Variants in RAD54L2 observed in about 807,000 individuals in gnomAD.
The protein encoded by RAD54L2 is RAD54 like 2.
In RAD54L2, 27 loss-of-function variants were observed where a neutral mutation model predicts 138.4. The observed-to-expected ratio is 0.20, with a 90% CI of 0.14 to 0.27. The LOEUF (loss-of-function observed/expected upper bound fraction) is 0.27. Among genes scored for constraint, RAD54L2 ranks in the 10% least tolerant of loss-of-function variants. The pLI is 1.00. For missense variants in RAD54L2, 1,396 were observed against 1,890.2 expected, an observed-to-expected ratio of 0.74 and a Z score of 4.85; for synonymous variants, 644 against 723.2, an observed-to-expected ratio of 0.89 and a Z score of 1.76.
In RAD54L2 at chr3:51,638,199, C is replaced by T; in HGVS notation, c.1738C>T (p.Leu580Phe). ...HLPAKEENVI[L>F]VRLSKIQRDL... The stretch of plus-strand genomic sequence containing the variant: ...CCCTGCCAAGGAAGAAAATGTGATC[C>T]TTGTGCGGCTCTCCAAGATCCAGCG... The change falls in exon 12 of 23, where the codon CTT becomes TTT. Residue 580 changes from leucine to phenylalanine, a missense_variant. Leu to Phe is a conservative substitution (Grantham distance 22, BLOSUM62 0). Transcript: ENST00000684192. The surrounding 1 kb of genome is among the most constrained non-coding windows in gnomAD (Gnocchi z 4.3). 6.2e-7 allele frequency: 1 copy of T among 1,613,984 alleles called. No individual in the cohort carries two copies. The highest frequency in any genetic ancestry group is 8.5e-7 in the Non-Finnish European group (1 of 1,179,880).
chr3:51,539,826 A>G (rs1446566335), intron 1 of RAD54L2, among the ~76,000 whole-genome samples: 11 of 152,074 alleles, frequency 7.2e-5, no homozygotes, highest in African/African-American at 2.7e-4. Flanking sequence ...GTGGCTGACT[A>G]TATTGGTGGC....
chr3:51,580,183 C>T (rs62259674), intron 2 of RAD54L2, among the ~76,000 whole-genome samples: 7,134 of 152,222 alleles, frequency 0.047, 227 homozygotes, highest in Non-Finnish European at 0.073. Flanking sequence ...CAAGACCCCT[C>T]CTCAGGTTTA....
Position 51,666,174 on chromosome 3 carries a change from CTTTTTTTTTTTTTTTTTTTTTTTTTTT to C in RAD54L2, c.*2763_*2789del. 1 of 58,710 alleles carries C rather than the reference CTTTTTTTTTTTTTTTTTTTTTTTTTTT, an allele frequency of 1.7e-5. No individual in the cohort carries two copies. Among genetic ancestry groups the C allele is most frequent in the Non-Finnish European group, 2.8e-5 (1 of 36,318 alleles). The allele number at this position is 58,710 out of a possible 1,614,324, so 3.6% of individuals were successfully genotyped here. A position where few individuals can be genotyped will look rare whatever the true frequency, so the allele number is the denominator to read the frequency against. On this transcript the variant is annotated 3_prime_UTR_variant, in exon 23 of 23. Transcript: ENST00000684192. ...AGTGCTACCAGGTCCATGGTTTTTG[CTTTTTTTTTTTTTTTTTTTTTTTTTTT>C]TTTTTTTTAAAGAAAATAACCTGAA...
chr3:51,641,193 A>T (rs1701125183), intron 14 of RAD54L2, among the ~76,000 whole-genome samples: 1 of 152,036 alleles, frequency 6.6e-6, no homozygotes, highest in African/African-American at 2.4e-5. Flanking sequence ...TTTAGTAGAG[A>T]TGGGGTTTCA....
intron 2 of RAD54L2, among the ~76,000 whole-genome samples, chr3:51,560,821 A>G (rs1699080814): frequency 6.6e-6 from 1 of 152,132 alleles, no homozygotes; most frequent in Non-Finnish European, 1.5e-5. Context: ...TTTATTGTAG[A>G]ATTTATATTC....
chr3:51,587,822 T>TAG (rs1166221687), intron 2 of RAD54L2, among the ~76,000 whole-genome samples: 3 of 152,190 alleles, frequency 2.0e-5, no homozygotes, highest in Non-Finnish European at 4.4e-5. Flanking sequence ...GTTAAATGAC[T>TAG]AGAGACTTGT....
In RAD54L2 at chr3:51,629,820, G is replaced by A. The variant is rs1017472679; in HGVS notation, c.481+347G>A. On this transcript the variant is annotated intron_variant, in intron 5 of 22. Coordinates refer to ENST00000684192, the MANE Select transcript of RAD54L2 (RefSeq NM_015106.4). ...GGAGGTTGCAGGGAGCTGAGACTGC[G>A]CCACTGTACTCCAGCCTAGGTGACA... Among the ~76,000 whole-genome samples, 15 of 151,970 alleles carry A rather than the reference G, an allele frequency of 9.9e-5. No homozygotes were observed. The East Asian group carries it at 1.2e-3, about 12-fold the overall frequency.
intron 3 of RAD54L2, among the ~76,000 whole-genome samples, chr3:51,607,110 TA>T (rs1203317792): frequency 1.3e-4 from 19 of 151,074 alleles, no homozygotes; most frequent in East Asian, 3.9e-4. Context: ...TATTTTATTT[TA>T]TTTTTTTTAG....
intron 3 of RAD54L2, among the ~76,000 whole-genome samples, chr3:51,606,363 G>A (rs1356485258): frequency 2.6e-5 from 4 of 152,130 alleles, no homozygotes; most frequent in Non-Finnish European, 5.9e-5. Flanking sequence ...TAGTGGCAAT[G>A]GTATGGAGAG....
intron 2 of RAD54L2, among the ~76,000 whole-genome samples, chr3:51,589,662 A>G (rs544870536): frequency 1.4e-3 from 165 of 116,362 alleles, no homozygotes; most frequent in African/African-American, 5.3e-3. Flanking sequence ...TGGGGACTCT[A>G]TACATATATA....
chr3:51,656,589 G>C (rs1261930440), intron 20 of RAD54L2, among the ~76,000 whole-genome samples: 1 of 152,180 alleles, frequency 6.6e-6, no homozygotes, highest in African/African-American at 2.4e-5. Context: ...TTGCGAGTTT[G>C]ATATAAATTG....
intron 21 of RAD54L2, among the ~76,000 whole-genome samples, chr3:51,659,755 G>A (rs1233699307): frequency 1.3e-5 from 2 of 152,184 alleles, no homozygotes; most frequent in Non-Finnish European, 2.9e-5. Flanking sequence ...TAGAGACTAA[G>A]CTCCATGAGA....
rs556790065 is a variant in RAD54L2 at position 51,627,620 on chromosome 3, G to A, written c.207G>A (p.Pro69=). Residue 69 remains proline, a synonymous_variant, in exon 4 of 23, where the codon CCG becomes CCA. Transcript: ENST00000684192. The stretch of plus-strand genomic sequence containing the variant: ...TGGGAGAAGATGGGCAGCAGCCGCC[G>A]CGGTGCACTTCAACTACCTCATCTC... ...AQLGEDGQQP[P]RCTSTTSSQS... is the part of the protein sequence containing the mutation. 25 of 1,574,294 alleles carry A rather than the reference G, an allele frequency of 1.6e-5. No homozygotes were observed. The East Asian group carries it at 1.9e-4, about 12-fold the overall frequency.
At position 51,666,452 on chromosome 3, in the gene RAD54L2, C is replaced by T. The variant is rs1701914350; in HGVS notation, c.*3032C>T. ...TAAGAGGGAGGGCAGAAAATCAGGC[C>T]TAGGCGTTTTCCCTTACCATTGTCT... On this transcript the variant is annotated 3_prime_UTR_variant, in exon 23 of 23. Coordinates refer to ENST00000684192, the MANE Select transcript of RAD54L2 (RefSeq NM_015106.4). 6.6e-6 allele frequency: 1 copy of T among 151,998 alleles called. No individual in the cohort carries two copies. The highest frequency in any genetic ancestry group is 1.5e-5 in the Non-Finnish European group (1 of 68,010). 9.4% of individuals were successfully genotyped at this position (151,998 alleles called of 1,614,324 possible).
chr3:51,604,199 G>C (rs1009508532), intron 3 of RAD54L2, among the ~76,000 whole-genome samples: 2 of 152,150 alleles, frequency 1.3e-5, no homozygotes, highest in Admixed American at 1.3e-4. Flanking sequence ...GCCATTTTCT[G>C]AGCTTGGGAA....
chr3:51,650,594 C>A (rs1701405043), intron 19 of RAD54L2, among the ~76,000 whole-genome samples: 1 of 152,210 alleles, frequency 6.6e-6, no homozygotes, highest in Non-Finnish European at 1.5e-5. Context: ...GTCTCTCAGA[C>A]CACAGTGCAA....
chr3:51,636,213 T>C (rs1036343014), intron 10 of RAD54L2, among the ~76,000 whole-genome samples: 2 of 152,236 alleles, frequency 1.3e-5, no homozygotes, highest in Non-Finnish European at 2.9e-5. Flanking sequence ...CCCAGTTGTT[T>C]TTAGTGAAAA....
intron 2 of RAD54L2, among the ~76,000 whole-genome samples, chr3:51,564,819 A>G (rs1282854650): frequency 6.6e-6 from 1 of 152,236 alleles, no homozygotes; most frequent in Non-Finnish European, 1.5e-5. Context: ...TGGCTCAAAT[A>G]TAATAGGGGA....
Position 51,639,965 on chromosome 3 carries a change from A to G in RAD54L2, c.2197A>G (p.Ser733Gly). 6.2e-7 allele frequency: 1 copy of G among 1,610,882 alleles called. No individual in the cohort carries two copies. Reference sequence around the variant, plus strand: ...ACTGCTTTTCCACCTGATTGAGGAAAGTGTGAAGCTTGGGGACAAGATCCT... The same window carrying G: ...ACTGCTTTTCCACCTGATTGAGGAAGGTGTGAAGCTTGGGGACAAGATCCT... ...MVLLFHLIEE[S>G]VKLGDKILVF... Residue 733 changes from serine to glycine, a missense_variant, in exon 14 of 23, where the codon AGT becomes GGT. Physicochemically the swap from Ser to Gly is moderately conservative, Grantham distance 56. Transcript: ENST00000684192.
Sources: allele counts gnomAD v4.1 joint callset (sites outside exome capture counted in the v4.1 genomes callset), GRCh38; gene constraint gnomAD v4.1.1; non-coding constraint Gnocchi (gnomAD v3.1); transcripts MANE v1.5; gene names NCBI Gene and HGNC (gene_info 2026-07-23, HGNC 2026-07-21).